AMPD3: variants seen among roughly 807,000 people sequenced by gnomAD.
AMPD3 encodes adenosine monophosphate deaminase 3.
In AMPD3, 57 loss-of-function variants were observed where a neutral mutation model predicts 82.3. The ratio of observed to expected loss-of-function variants is 0.69; its 90% CI spans 0.56 to 0.86. AMPD3 has a LOEUF of 0.86. Among genes scored for constraint, AMPD3 ranks in the 40% least tolerant of loss-of-function variants. The pLI is 0.00. For missense variants in AMPD3, 870 were observed against 1,003.8 expected (o/e 0.87, Z 1.80); for synonymous variants, 381 against 394.7 (o/e 0.97, Z 0.41).
Position 10,493,420 on chromosome 11 carries a change from C to G in AMPD3, c.1011C>G (p.Tyr337Ter), listed in dbSNP as rs773180646. ...KHLLRFIKHT[Y>*]QTEPDRTVAE... ...TGCTGCGCTTCATCAAGCACACATA[C>G]CAGACGGAGCCTGACAGGACTGTGG... is the stretch of plus-strand genomic sequence containing the variant. Residue 337 changes from tyrosine to a stop codon, truncating the protein, a stop_gained, in exon 7 of 15, where the codon TAC becomes TAG. Transcript: ENST00000396553. LOFTEE classifies it high-confidence loss of function. 56 of 1,614,112 alleles carry G rather than the reference C, an allele frequency of 3.5e-5. 1 individual carries two copies. The Admixed American group carries it at 8.3e-4, about 24-fold the overall frequency.
At chr11:10,477,210 C>A in intron 2 of AMPD3, 1 of 639,174 alleles carries the variant, frequency 1.6e-6, no homozygotes, top group Non-Finnish European at 1.9e-6. Flanking sequence ...AGGTATCACA[C>A]TAGTACCTGG....
chr11:10,455,264 A>T lies in AMPD3; in HGVS notation c.-190A>T, dbSNP rs1215706866. ...CTATGTGTCTGTTCTGAGCCTTCCC[A>T]CTCTCCTAAAGGGCAGATGAAGATC... On this transcript the variant is annotated 5_prime_UTR_variant, in exon 1 of 15. Coordinates refer to ENST00000396553, the MANE Select transcript of AMPD3 (RefSeq NM_001025389.2). 3.0e-6 allele frequency: 3 copies of T among 984,984 alleles called. No individual in the cohort carries two copies. The East Asian group carries it at 3.4e-4, about 112-fold the overall frequency. 61.0% of individuals were successfully genotyped at this position (984,984 alleles called of 1,614,324 possible). A position where few individuals can be genotyped will look rare whatever the true frequency, so the allele number is the denominator to read the frequency against.
intron 11 of AMPD3, 132 bp from the exon 12 acceptor site, chr11:10,501,338 G>C: frequency 3.4e-6 from 5 of 1,463,014 alleles, no homozygotes; most frequent in Non-Finnish European, 4.5e-6. Flanking sequence ...GTAGTTTCCA[G>C]GGTGCACTGG....
chr11:10,482,013 A>G, intron 3 of AMPD3, 50 bp from the exon 4 acceptor site: 1 of 1,610,596 alleles, frequency 6.2e-7, no homozygotes, highest in Non-Finnish European at 8.5e-7. Flanking sequence ...CAAGGATGGC[A>G]GTCTCAGGCC....
intron 11 of AMPD3, 34 bp from the exon 12 acceptor site, chr11:10,501,436 G>T (rs1870951): frequency 0.5 from 810,761 of 1,608,824 alleles, 208,087 homozygotes; most frequent in East Asian, 0.63. Flanking sequence ...AACTGGGGGG[G>T]GCCTTCCTGA....
intron 6 of AMPD3, among the ~76,000 whole-genome samples, chr11:10,491,658 A>C (rs1042298233): frequency 6.6e-6 from 1 of 152,168 alleles, no homozygotes; most frequent in Non-Finnish European, 1.5e-5. Flanking sequence ...AGAACTGATG[A>C]GACTCACTGA....
Position 10,456,239 on chromosome 11 carries a change from C to A in AMPD3, c.-6+791C>A, listed in dbSNP as rs1369226592. On this transcript the variant is annotated intron_variant, in intron 1 of 14. Transcript: ENST00000396553. This position sits in a 1 kb window ranked among gnomAD's most constrained non-coding sequence, Gnocchi z 4.3. ...TTTCCTGCTCTGGCTCACTGCTGCTCACAGATATGCAAAACAGAGACCTCC... is the reference window on the plus strand; with the variant it reads ...TTTCCTGCTCTGGCTCACTGCTGCTAACAGATATGCAAAACAGAGACCTCC... 6.7e-7 allele frequency: 1 copy of A among 1,499,758 alleles called. No homozygotes were observed. Among genetic ancestry groups the A allele is most frequent in the Admixed American group, 2.3e-5 (1 of 44,238 alleles). 92.9% of individuals were successfully genotyped at this position (1,499,758 alleles called of 1,614,324 possible). A position where few individuals can be genotyped will look rare whatever the true frequency, so the allele number is the denominator to read the frequency against.
At position 10,456,056 on chromosome 11, in the gene AMPD3, A is replaced by T; in HGVS notation, c.-6+608A>T. On this transcript the variant is annotated intron_variant, in intron 1 of 14. Coordinates refer to ENST00000396553, the MANE Select transcript of AMPD3 (RefSeq NM_001025389.2). This position sits in a 1 kb window ranked among gnomAD's most constrained non-coding sequence, Gnocchi z 4.3. ...GTTGTAAAGAGGAAGCCGCCGCTTTAGTTTCCTCTTGTGAGGGCTGTGAAG... is the reference window on the plus strand; with the variant it reads ...GTTGTAAAGAGGAAGCCGCCGCTTTTGTTTCCTCTTGTGAGGGCTGTGAAG... The T allele has an allele frequency of 9.3e-7, 1 of 1,072,130 alleles. No individual in the cohort carries two copies. The highest frequency in any genetic ancestry group is 1.1e-6 in the Non-Finnish European group (1 of 885,246). The allele number at this position is 1,072,130 out of a possible 1,614,324, so 66.4% of individuals were successfully genotyped here.
upstream of AMPD3, among the ~76,000 whole-genome samples, chr11:10,452,153 A>C (rs1278748397): frequency 6.6e-6 from 1 of 151,650 alleles, no homozygotes; most frequent in Admixed American, 6.6e-5. Flanking sequence ...TAGGTCAAGA[A>C]GCTCTTTGAG....
intron 1 of AMPD3, chr11:10,461,274 T>C (rs1264603341): frequency 6.8e-7 from 1 of 1,469,256 alleles, no homozygotes; most frequent in Non-Finnish European, 9.1e-7. Flanking sequence ...GTTGAACAGT[T>C]CATTCTTTGA....
upstream of AMPD3, among the ~76,000 whole-genome samples, chr11:10,454,750 C>A (rs577733332): frequency 6.6e-6 from 1 of 152,346 alleles, no homozygotes; most frequent in East Asian, 1.9e-4. Context: ...CCCACTCTAC[C>A]TCCCCTTTCC....
At chr11:10,498,163 G>C (rs149467244) in intron 10 of AMPD3, among the ~76,000 whole-genome samples, 1 of 152,212 alleles carries the variant, frequency 6.6e-6, no homozygotes, top group East Asian at 1.9e-4. Context: ...ACCAGCTTGC[G>C]TCTCTGAGGT....
chr11:10,497,024 C>A (rs1849424755), intron 10 of AMPD3, 86 bp downstream of exon 10: 1 of 1,529,476 alleles, frequency 6.5e-7, no homozygotes, highest in African/African-American at 1.4e-5. Context: ...CTTGCTCCTG[C>A]CCTTCACGAT....
rs138427529 is a variant in AMPD3, at chr11:10,487,301, C to T, written c.876C>T (p.Asn292=). ...AGTTCAGCCTTCATGAGATGTTAAACGAAATGTCCGAGTTCAAAGAGTTGA... is the reference window on the plus strand; with the variant it reads ...AGTTCAGCCTTCATGAGATGTTAAATGAAATGTCCGAGTTCAAAGAGTTGA... ...ESKFSLHEML[N]EMSEFKELKS... Residue 292 remains asparagine, a synonymous_variant, in exon 6 of 15, where the codon AAC becomes AAT. Transcript: ENST00000396553. The T allele has an allele frequency of 7.2e-5, 117 of 1,614,046 alleles. No individual in the cohort carries two copies. Among genetic ancestry groups the T allele is most frequent in the Non-Finnish European group, 9.7e-5 (114 of 1,180,028 alleles).
intron 13 of AMPD3, 177 bp from the exon 14 acceptor site, chr11:10,504,372 A>G (rs11826750): frequency 0.19 from 88,849 of 462,098 alleles, 12,317 homozygotes; most frequent in African/African-American, 0.53. Flanking sequence ...TTGATAACCC[A>G]TGATTTTACA....
At chr11:10,492,085 A>G (rs948854771) in intron 6 of AMPD3, among the ~76,000 whole-genome samples, 6 of 152,304 alleles carry the variant, frequency 3.9e-5, no homozygotes, top group South Asian at 4.2e-4. Context: ...AGGAGAGGAC[A>G]GAGATGCAAG....
chr11:10,468,280 G>T lies in AMPD3; in HGVS notation c.221+6540G>T, dbSNP rs12284303. Among the ~76,000 whole-genome samples the T allele has an allele frequency of 6.6e-3, 1,002 of 151,646 alleles. 7 individuals carry two copies. The highest frequency in any genetic ancestry group is 0.023 in the African/African-American group (945 of 41,284). ...GCTGTATTCAGGAGACTCATCTCAAGTGCAAAGACAGACATAGGCTCAAAA... is the reference window on the plus strand; with the variant it reads ...GCTGTATTCAGGAGACTCATCTCAATTGCAAAGACAGACATAGGCTCAAAA... On this transcript the variant is annotated intron_variant, in intron 2 of 14. Transcript: ENST00000396553.
At chr11:10,489,512 C>T (rs1253643839) in intron 6 of AMPD3, among the ~76,000 whole-genome samples, 1 of 152,156 alleles carries the variant, frequency 6.6e-6, no homozygotes, top group Non-Finnish European at 1.5e-5. Flanking sequence ...CCCCAGGGTT[C>T]TCCTGCAGTC....
At chr11:10,460,823 C>T (rs765232408) in intron 1 of AMPD3, 167 of 916,694 alleles carry the variant, frequency 1.8e-4, no homozygotes, top group Non-Finnish European at 2.1e-4. Flanking sequence ...TGGTTGAGGC[C>T]AGTGACTGTT....
Sources: allele counts gnomAD v4.1 joint callset (sites outside exome capture counted in the v4.1 genomes callset), GRCh38; gene constraint gnomAD v4.1.1; non-coding constraint Gnocchi (gnomAD v3.1); transcripts MANE v1.5; gene names NCBI Gene and HGNC (gene_info 2026-07-23, HGNC 2026-07-21).